PARD3B: variants seen among roughly 807,000 people sequenced by gnomAD.
PARD3B encodes partitioning defective 3 homolog B.
Under a neutral mutation model 130.2 loss-of-function variants are expected in PARD3B, and 103 were observed. The observed-to-expected ratio is 0.79, with a 90% CI of 0.67 to 0.93. The LOEUF (loss-of-function observed/expected upper bound fraction) is 0.93. Ranked by LOEUF, PARD3B falls within the 40% of genes least tolerant of loss-of-function variation. The pLI, the probability that PARD3B is intolerant of heterozygous loss-of-function variation, is 0.00. For synonymous variants in PARD3B, 583 were observed against 553.2 expected (o/e 1.05, Z -0.76); for missense variants, 1,609 against 1,499.2 (o/e 1.07, Z -1.21).
rs371904121 is a variant in PARD3B, at chr2:205,168,320, A to AGAGAGAGAGAGAGAGAGAGAGAGT, written c.1621-3890_1621-3889insAGAGAGAGAGAGAGAGAGAGAGTG. Among the ~76,000 whole-genome samples the AGAGAGAGAGAGAGAGAGAGAGAGT allele has an allele frequency of 2.3e-3, 279 of 119,690 alleles. 4 individuals are homozygous for AGAGAGAGAGAGAGAGAGAGAGAGT. Among genetic ancestry groups the AGAGAGAGAGAGAGAGAGAGAGAGT allele is most frequent in the African/African-American group, 6.7e-3 (197 of 29,600 alleles). 78.5% of individuals were successfully genotyped at this position (119,690 alleles called of 152,430 possible). ...GAGAGAGAGAGAGAGAGAGAGAGAG[A>AGAGAGAGAGAGAGAGAGAGAGAGT]GTGTGTGTGTGTGAATATTGCAAGC... On this transcript the variant is annotated intron_variant, in intron 11 of 22. Coordinates refer to ENST00000406610, the MANE Select transcript of PARD3B (RefSeq NM_001302769.2).
At position 205,123,591 on chromosome 2, in the gene PARD3B, T is replaced by C. The variant is rs1246396177; in HGVS notation, c.1166-736T>C. ...TAAGATTTAGAGAGAGTGATGGATG[T>C]GATGTGATCAAAGATAGGAAAATAA... On this transcript the variant is annotated intron_variant, in intron 8 of 22. Transcript: ENST00000406610. 3.4e-5 allele frequency among the ~76,000 whole-genome samples: 5 copies of C among 148,354 alleles called. No homozygotes were observed. In the South Asian group the frequency reaches 8.5e-4, roughly 25 times the overall value.
At chr2:204,983,145 G>C (rs1278198432) in intron 3 of PARD3B, among the ~76,000 whole-genome samples, 1 of 152,118 alleles carries the variant, frequency 6.6e-6, no homozygotes, top group Non-Finnish European at 1.5e-5. Flanking sequence ...CATTGATTCT[G>C]TGAACTGTTG....
intron 21 of PARD3B, among the ~76,000 whole-genome samples, chr2:205,544,781 C>G (rs2052313930): frequency 6.6e-6 from 1 of 152,180 alleles, no homozygotes; most frequent in South Asian, 2.1e-4. Flanking sequence ...TGTGCCTGCA[C>G]ACAGTTACTA....
chr2:204,787,487 A>G (rs965724605), intron 2 of PARD3B, among the ~76,000 whole-genome samples: 2 of 152,200 alleles, frequency 1.3e-5, no homozygotes, highest in African/African-American at 4.8e-5. Flanking sequence ...AAGGCAGTCT[A>G]TAACTCAGAG....
chr2:205,576,734 C>T (rs1298429957), intron 22 of PARD3B, among the ~76,000 whole-genome samples: 1 of 152,138 alleles, frequency 6.6e-6, no homozygotes, highest in Non-Finnish European at 1.5e-5. Flanking sequence ...ATTATCGGTT[C>T]TCTAAGTTTA....
Position 205,463,377 on chromosome 2 carries a change from C to A in PARD3B, c.3044+22705C>A, listed in dbSNP as rs10179556. Among the ~76,000 whole-genome samples, 1 of 150,068 alleles carries A rather than the reference C, an allele frequency of 6.7e-6. No individual in the cohort carries two copies. Among genetic ancestry groups the A allele is most frequent in the Admixed American group, 6.7e-5 (1 of 15,014 alleles). ...CATGGCCTGGCCAGGCACTGCCTTG[C>A]GGCCCTTCCAAAGGTGGCAGAATGA... On this transcript the variant is annotated intron_variant, in intron 20 of 22. Transcript: ENST00000406610. This position sits in a 1 kb window ranked among gnomAD's most constrained non-coding sequence, Gnocchi z 4.8.
At chr2:205,504,897 C>T (rs917231694) in intron 21 of PARD3B, among the ~76,000 whole-genome samples, 8 of 152,166 alleles carry the variant, frequency 5.3e-5, no homozygotes, top group African/African-American at 1.9e-4. Context: ...TGGGTATATA[C>T]CCAAAGGATT....
chr2:204,628,881 A>C (rs1390595379), intron 1 of PARD3B, among the ~76,000 whole-genome samples: 1 of 152,210 alleles, frequency 6.6e-6, no homozygotes, highest in Non-Finnish European at 1.5e-5. Flanking sequence ...TTTAAAAATC[A>C]TGTTTCTTTA....
rs1291703241 is a variant in PARD3B at position 205,125,767 on chromosome 2, T to C, written c.1434+30T>C. ...TGTTCAGATCTCAGTCTCACTGAAT[T>C]TTTAATGCCGAGCTTAATACACTCA... On this transcript the variant is annotated intron_variant, in intron 10 of 22. Transcript: ENST00000406610. This position sits in a 1 kb window ranked among gnomAD's most constrained non-coding sequence, Gnocchi z 4.0. The C allele has an allele frequency of 6.2e-7, 1 of 1,612,084 alleles. No homozygotes were observed. Among genetic ancestry groups the C allele is most frequent in the Non-Finnish European group, 8.5e-7 (1 of 1,178,948 alleles).
At chr2:204,937,315 C>T (rs1862995) in intron 2 of PARD3B, among the ~76,000 whole-genome samples, 17 of 152,300 alleles carry the variant, frequency 1.1e-4, no homozygotes, top group Admixed American at 1.0e-3. Context: ...ACTGTTGCCC[C>T]TCTGACACCC....
intron 4 of PARD3B, among the ~76,000 whole-genome samples, chr2:205,080,822 A>T (rs951626762): frequency 1.3e-5 from 2 of 152,098 alleles, no homozygotes; most frequent in African/African-American, 4.8e-5. Context: ...AGCTATTCTG[A>T]TGGGTATTTT....
chr2:204,991,350 G>C (rs201991670), intron 3 of PARD3B, among the ~76,000 whole-genome samples: 43,868 of 142,420 alleles, frequency 0.31, 7,197 homozygotes, highest in Admixed American at 0.44. Flanking sequence ...TCTTGCGATA[G>C]TTTACTGAGA....
rs2040593657 is a variant in PARD3B, at chr2:205,268,352, G to A, written c.2185+22530G>A. On this transcript the variant is annotated intron_variant, in intron 16 of 22. Coordinates refer to ENST00000406610, the MANE Select transcript of PARD3B (RefSeq NM_001302769.2). The surrounding 1 kb of genome is among the most constrained non-coding windows in gnomAD (Gnocchi z 4.1). ...TTCCAATATATTGGGAGAAAAATAAGCATCAACTTGGAAATCAAATTGACT... is the reference window on the plus strand; with the variant it reads ...TTCCAATATATTGGGAGAAAAATAAACATCAACTTGGAAATCAAATTGACT... Among the ~76,000 whole-genome samples the A allele has an allele frequency of 6.6e-6, 1 of 152,178 alleles. No homozygotes were observed.
At chr2:204,975,315 A>G (rs184027315) in intron 3 of PARD3B, among the ~76,000 whole-genome samples, 90 of 152,260 alleles carry the variant, frequency 5.9e-4, no homozygotes, top group African/African-American at 2.1e-3. Context: ...TTTATCTTCT[A>G]TTAAGCAATT....
chr2:205,270,343 C>G (rs111615276), intron 16 of PARD3B, among the ~76,000 whole-genome samples: 1 of 151,766 alleles, frequency 6.6e-6, no homozygotes, highest in Non-Finnish European at 1.5e-5. Flanking sequence ...CCGAGGCAGG[C>G]GGATCACAAG....
At chr2:204,906,000 G>A in intron 2 of PARD3B, among the ~76,000 whole-genome samples, 1 of 152,136 alleles carries the variant, frequency 6.6e-6, no homozygotes, top group East Asian at 1.9e-4. Context: ...ATCCGGATTT[G>A]GAAGGCAAAG....
chr2:205,518,226 G>C (rs544966517), intron 21 of PARD3B, among the ~76,000 whole-genome samples: 17 of 152,080 alleles, frequency 1.1e-4, no homozygotes, highest in Non-Finnish European at 2.1e-4. Flanking sequence ...TGTCTTTGTA[G>C]GTCTCTAAGA....
intron 21 of PARD3B, among the ~76,000 whole-genome samples, chr2:205,544,252 C>CTT (rs59447760): frequency 6.7e-6 from 1 of 148,756 alleles, no homozygotes; most frequent in African/African-American, 2.5e-5. Flanking sequence ...TTCCTAATGC[C>CTT]TTTTTTTTTT....
At chr2:204,627,985 GTTT>G (rs3051373) in intron 1 of PARD3B, among the ~76,000 whole-genome samples, 326 of 143,356 alleles carry the variant, frequency 2.3e-3, no homozygotes, top group Admixed American at 4.1e-3. Flanking sequence ...GTTTTTTTGC[GTTT>G]TTTTTTTTTT....
Sources: gnomAD v4.1 joint callset for allele counts (sites outside exome capture counted in the v4.1 genomes callset) on GRCh38, gnomAD v4.1.1 for gene constraint, Gnocchi (gnomAD v3.1) non-coding constraint, MANE v1.5 for transcripts, NCBI Gene and HGNC (gene_info 2026-07-23, HGNC 2026-07-21) for gene names.